PHKB: variants seen among roughly 807,000 people sequenced by gnomAD.
PHKB encodes phosphorylase kinase regulatory subunit beta, also known as phosphorylase b kinase regulatory subunit beta.
A neutral mutation model predicts 152.1 loss-of-function variants in PHKB; 122 were observed. That is an observed-to-expected ratio of 0.80 (90% CI 0.69 to 0.93). The LOEUF is 0.93. Among genes scored for constraint, PHKB ranks in the 40% least tolerant of loss-of-function variants. The probability of loss-of-function intolerance (pLI) is 0.00; values close to 1 mark genes in which losing one functional copy is unlikely to be tolerated. For synonymous variants in PHKB, 436 were observed against 464.9 expected, an observed-to-expected ratio of 0.94 and a Z score of 0.80; for missense variants, 1,304 against 1,328.4, an observed-to-expected ratio of 0.98 and a Z score of 0.29.
At chr16:47,479,808 T>TA (rs1292270123) in intron 1 of PHKB, among the ~76,000 whole-genome samples, 1 of 152,206 alleles carries the variant, frequency 6.6e-6, no homozygotes, top group East Asian at 1.9e-4. Context: ...CCACTGGGCA[T>TA]AACCCCACAG....
rs775362955 is a variant in PHKB, at chr16:47,610,676, A to C, written c.1364-150A>C. ...TATATTGAGGCTTATTTTATGGCCT[A>C]GTATGTGGTATATCCTGGTGGAGGA... On this transcript the variant is annotated intron_variant, in intron 13 of 30. Transcript: ENST00000323584. 1.1e-4 allele frequency: 77 copies of C among 670,572 alleles called. No individual in the cohort carries two copies. The Middle Eastern group carries it at 2.8e-3, about 24-fold the overall frequency. 41.5% of individuals were successfully genotyped at this position (670,572 alleles called of 1,614,324 possible).
At chr16:47,586,974 A>G (rs1459875118) in intron 8 of PHKB, among the ~76,000 whole-genome samples, 1 of 152,092 alleles carries the variant, frequency 6.6e-6, no homozygotes. Flanking sequence ...TAAAAAATAT[A>G]TATATGGGGG....
chr16:47,492,842 C>T (rs1345009072), intron 1 of PHKB, among the ~76,000 whole-genome samples: 4 of 152,120 alleles, frequency 2.6e-5, no homozygotes, highest in African/African-American at 9.7e-5. Flanking sequence ...TTCTTAAGCC[C>T]CACGTTGGGT....
intron 1 of PHKB, among the ~76,000 whole-genome samples, chr16:47,478,273 A>C (rs952737632): frequency 6.6e-6 from 1 of 152,164 alleles, no homozygotes; most frequent in African/African-American, 2.4e-5. Context: ...AAGAAGTGAA[A>C]TCTAGGTAAA....
chr16:47,485,794 A>AT (rs1370674116), intron 1 of PHKB, among the ~76,000 whole-genome samples: 5 of 151,644 alleles, frequency 3.3e-5, no homozygotes, highest in African/African-American at 1.2e-4. Flanking sequence ...TGATTTTTAA[A>AT]TTTTTTTGTA....
chr16:47,560,423 A>G (rs1376670078), intron 7 of PHKB, among the ~76,000 whole-genome samples: 1 of 152,234 alleles, frequency 6.6e-6, no homozygotes, highest in East Asian at 1.9e-4. Flanking sequence ...TGACGAGCTG[A>G]TTATAAAATG....
intron 6 of PHKB, 66 bp downstream of exon 6, chr16:47,515,667 T>G (rs1158042612): frequency 2.6e-6 from 2 of 756,450 alleles, no homozygotes; most frequent in African/African-American, 3.5e-5. Flanking sequence ...TTTTTTTTAG[T>G]TTTCACAACT....
chr16:47,588,801 T>A, intron 9 of PHKB, 104 bp from the exon 10 acceptor site: 1 of 959,164 alleles, frequency 1.0e-6, no homozygotes, highest in Non-Finnish European at 1.7e-6. Flanking sequence ...GTGCTCACTT[T>A]TGACTGCATA....
At chr16:47,561,416 A>T (rs1461653616) in intron 7 of PHKB, 2 of 152,188 alleles carry the variant, frequency 1.3e-5, no homozygotes, top group Non-Finnish European at 1.5e-5. Flanking sequence ...GAGGAAAGTG[A>T]TGTCTTTTCC....
chr16:47,474,075 CTTTT>C (rs1567270932), intron 1 of PHKB, among the ~76,000 whole-genome samples: 2 of 151,990 alleles, frequency 1.3e-5, no homozygotes, highest in Non-Finnish European at 2.9e-5. Flanking sequence ...CATATATGCT[CTTTT>C]TTCAAAATAT....
Position 47,699,562 on chromosome 16 carries a change from C to A in PHKB, c.*196C>A, listed in dbSNP as rs1010687220. ...GTAATGGTAAATGCTTTTAATCAAGCAGGAAAAAGTTCTCATGATTATGCC... is the reference window on the plus strand; with the variant it reads ...GTAATGGTAAATGCTTTTAATCAAGAAGGAAAAAGTTCTCATGATTATGCC... On this transcript the variant is annotated 3_prime_UTR_variant, in exon 31 of 31. Coordinates refer to ENST00000323584, the MANE Select transcript of PHKB (RefSeq NM_000293.3). The A allele has an allele frequency of 2.5e-5, 16 of 649,450 alleles. No homozygotes were observed. The highest frequency in any genetic ancestry group is 1.6e-4 in the Admixed American group (7 of 42,598). The allele number at this position is 649,450 out of a possible 1,614,324, so 40.2% of individuals were successfully genotyped here.
chr16:47,592,328 A>T (rs533684678), intron 10 of PHKB, among the ~76,000 whole-genome samples: 230 of 152,348 alleles, frequency 1.5e-3, no homozygotes, highest in African/African-American at 5.1e-3. Context: ...AGTCTTAGCT[A>T]CTTAGCATGA....
chr16:47,577,459 TG>T (rs1971769125), intron 7 of PHKB, among the ~76,000 whole-genome samples: 1 of 152,178 alleles, frequency 6.6e-6, no homozygotes, highest in Non-Finnish European at 1.5e-5. Context: ...TGTTTCTTTT[TG>T]GTGTTCTGAT....
At chr16:47,551,804 A>T (rs1441569635) in intron 7 of PHKB, among the ~76,000 whole-genome samples, 1 of 152,146 alleles carries the variant, frequency 6.6e-6, no homozygotes, top group Non-Finnish European at 1.5e-5. Flanking sequence ...TCTAATATTG[A>T]CAGTCGGGTG....
intron 7 of PHKB, among the ~76,000 whole-genome samples, chr16:47,579,554 CAAAT>C (rs1971807381): frequency 6.6e-6 from 1 of 151,926 alleles, no homozygotes; most frequent in African/African-American, 2.4e-5. Context: ...TTGAGTAAAA[CAAAT>C]AAAAATTTGT....
At chr16:47,504,730 A>G (rs990278698) in intron 4 of PHKB, among the ~76,000 whole-genome samples, 27 of 152,176 alleles carry the variant, frequency 1.8e-4, no homozygotes, top group Non-Finnish European at 8.8e-5. Context: ...TTTTGTAAGG[A>G]TTAAGAAATA....
At chr16:47,569,670 A>G (rs1971625114) in intron 7 of PHKB, among the ~76,000 whole-genome samples, 1 of 152,180 alleles carries the variant, frequency 6.6e-6, no homozygotes, top group South Asian at 2.1e-4. Context: ...CCCAGGCTGG[A>G]GTGCAGTGGC....
At chr16:47,665,694 G>A in intron 25 of PHKB, 1 of 573,626 alleles carries the variant, frequency 1.7e-6, no homozygotes, top group Non-Finnish European at 3.1e-6. Context: ...TATCAATAGT[G>A]TCATCAATAA....
At chr16:47,566,779 A>T (rs1270896590) in intron 7 of PHKB, 1 of 739,750 alleles carries the variant, frequency 1.4e-6, no homozygotes. Flanking sequence ...TCATGAGCCC[A>T]GCTGACTGGT....
Sources: gnomAD v4.1 joint callset for allele counts (sites outside exome capture counted in the v4.1 genomes callset) on GRCh38, gnomAD v4.1.1 for gene constraint, MANE v1.5 for transcripts, NCBI Gene and HGNC (gene_info 2026-07-23, HGNC 2026-07-21) for gene names.